The following TTC7A variants were observed in gnomAD, a reference collection of about 807,000 sequenced individuals.
TTC7A encodes tetratricopeptide repeat domain 7A.
In TTC7A, 110 loss-of-function variants were observed where a neutral mutation model predicts 103.7. That is an observed-to-expected ratio of 1.06 (90% CI 0.91 to 1.24). TTC7A has a LOEUF of 1.24. Among genes scored for constraint, TTC7A ranks in the 50% most tolerant of loss-of-function variants. The pLI, the probability that TTC7A is intolerant of heterozygous loss-of-function variation, is 0.00. For missense variants in TTC7A, 1,340 were observed against 1,116.3 expected, an observed-to-expected ratio of 1.20 and a Z score of -2.86; for synonymous variants, 521 against 467.9, an observed-to-expected ratio of 1.11 and a Z score of -1.47.
At chr2:46,965,547 C>T (rs565492693) in intron 3 of TTC7A, among the ~76,000 whole-genome samples, 125 of 149,900 alleles carry the variant, frequency 8.3e-4, no homozygotes, top group African/African-American at 2.6e-3. Flanking sequence ...GGAATTAATC[C>T]GTTTTCCCTG....
At chr2:46,981,595 C>T (rs1190290193) in intron 5 of TTC7A, among the ~76,000 whole-genome samples, 1 of 152,228 alleles carries the variant, frequency 6.6e-6, no homozygotes, top group Admixed American at 6.5e-5. Context: ...CTCTGAGACT[C>T]TCTAGAACCG....
At position 47,075,366 on chromosome 2, in the gene TTC7A, A is replaced by C. The variant is rs1685137429; in HGVS notation, c.*1443A>C. Reference sequence around the variant, plus strand: ...TTCTGGAATTCTGTTAGAAAAGTAAAGAAAAAGCAAATGCTGTTGGTTTAT... The same window carrying C: ...TTCTGGAATTCTGTTAGAAAAGTAACGAAAAAGCAAATGCTGTTGGTTTAT... On this transcript the variant is annotated 3_prime_UTR_variant, in exon 20 of 20. Transcript: ENST00000319190. The C allele has an allele frequency of 6.6e-6, 1 of 152,254 alleles. No homozygotes were observed. Among genetic ancestry groups the C allele is most frequent in the Admixed American group, 6.5e-5 (1 of 15,284 alleles). The allele number at this position is 152,254 out of a possible 1,614,324, so 9.4% of individuals were successfully genotyped here.
chr2:46,986,382 G>A (rs1412610890), intron 5 of TTC7A, among the ~76,000 whole-genome samples: 1 of 152,222 alleles, frequency 6.6e-6, no homozygotes, highest in African/African-American at 2.4e-5. Flanking sequence ...CCCAGTGCCT[G>A]CTATGGGCCA....
chr2:46,980,220 T>C (rs1231264003), intron 5 of TTC7A, among the ~76,000 whole-genome samples: 3 of 150,192 alleles, frequency 2.0e-5, no homozygotes, highest in Non-Finnish European at 3.0e-5. Context: ...CTCTCTCTTT[T>C]TTTTTTTTTT....
chr2:47,024,671 C>A (rs1312846264), intron 14 of TTC7A, among the ~76,000 whole-genome samples: 1 of 152,126 alleles, frequency 6.6e-6, no homozygotes, highest in African/African-American at 2.4e-5. Context: ...CCTCGCCTTC[C>A]ACTGGCTTTT....
intron 11 of TTC7A, among the ~76,000 whole-genome samples, chr2:47,020,382 T>A (rs149337613): frequency 1.3e-5 from 2 of 152,232 alleles, no homozygotes; most frequent in Non-Finnish European, 2.9e-5. Flanking sequence ...TAGCCTTGGG[T>A]CCACCTGGCC....
At chr2:46,921,748 C>T (rs769188323) in intron 2 of TTC7A, among the ~76,000 whole-genome samples, 8 of 152,204 alleles carry the variant, frequency 5.3e-5, no homozygotes, top group Non-Finnish European at 8.8e-5. Context: ...TGAAACTGTT[C>T]TACCTCAGAT....
chr2:47,006,201 G>A (rs115423725), intron 9 of TTC7A, 142 bp downstream of exon 9: 26,053 of 1,081,702 alleles, frequency 0.024, 383 homozygotes, highest in Middle Eastern at 0.066. Flanking sequence ...AGTTGTACAA[G>A]TCTCAGCTTC....
At chr2:46,939,274 G>GC (rs1670134049), upstream of TTC7A, among the ~76,000 whole-genome samples, 1 of 151,868 alleles carries the variant, frequency 6.6e-6, no homozygotes, top group Admixed American at 6.6e-5. Flanking sequence ...AATAAAATTG[G>GC]CCAGGCGCAG....
Position 47,075,308 on chromosome 2 carries a change from T to C in TTC7A, c.*1385T>C, listed in dbSNP as rs935014442. ...ATGTGTGTATATAAATATAGTTTTTTATCTATATATATAAAATAGAGATCT... is the reference window on the plus strand; with the variant it reads ...ATGTGTGTATATAAATATAGTTTTTCATCTATATATATAAAATAGAGATCT... On this transcript the variant is annotated 3_prime_UTR_variant, in exon 20 of 20. Transcript: ENST00000319190. 6.6e-6 allele frequency: 1 copy of C among 152,214 alleles called. No homozygotes were observed. The highest frequency in any genetic ancestry group is 2.4e-5 in the African/African-American group (1 of 41,466). The allele number at this position is 152,214 out of a possible 1,614,324, so 9.4% of individuals were successfully genotyped here. A position where few individuals can be genotyped will look rare whatever the true frequency, so the allele number is the denominator to read the frequency against.
At chr2:46,930,070 G>GT (rs1163059561) in intron 2 of TTC7A, among the ~76,000 whole-genome samples, 5 of 152,042 alleles carry the variant, frequency 3.3e-5, no homozygotes, top group Non-Finnish European at 7.4e-5. Context: ...TTTGGGGGGA[G>GT]TTTTTTACTA....
chr2:46,961,010 C>G (rs1460293519), intron 3 of TTC7A, among the ~76,000 whole-genome samples: 1 of 152,196 alleles, frequency 6.6e-6, no homozygotes, highest in Non-Finnish European at 1.5e-5. Flanking sequence ...AGAAAATTTG[C>G]TTTTATATTT....
upstream of TTC7A, chr2:46,915,944 G>A: frequency 1.0e-6 from 1 of 985,354 alleles, no homozygotes; most frequent in Non-Finnish European, 1.2e-6. Flanking sequence ...TAATCGGCCC[G>A]GGCCCAGCAC....
At chr2:46,915,964 T>A (rs1272892001), upstream of TTC7A, 1 of 985,294 alleles carries the variant, frequency 1.0e-6, no homozygotes, top group East Asian at 1.1e-4. Flanking sequence ...CTGGCGGGAC[T>A]GACGCAGTTC....
At chr2:46,974,941 G>A (rs775274248) in intron 3 of TTC7A, 32 bp from the exon 4 acceptor site, 5 of 1,609,880 alleles carry the variant, frequency 3.1e-6, no homozygotes, top group South Asian at 1.1e-5. Context: ...GCCCGAGCAG[G>A]ACAGGTCTGA....
In TTC7A at chr2:47,019,507, A is replaced by C. The variant is rs74625548; in HGVS notation, c.1393-2355A>C. ...AGAGACGGTTTTAAACTACGTGGAC[A>C]ATGCTGGCAAGTACTGGACAAGGAG... On this transcript the variant is annotated intron_variant, in intron 11 of 19. Coordinates refer to ENST00000319190, the MANE Select transcript of TTC7A (RefSeq NM_020458.4). Among the ~76,000 whole-genome samples, 1,142 of 152,318 alleles carry C rather than the reference A, an allele frequency of 7.5e-3. 13 individuals carry two copies. The highest frequency in any genetic ancestry group is 0.026 in the African/African-American group (1,080 of 41,564).
chr2:46,927,549 A>G (rs1462547366), intron 2 of TTC7A, among the ~76,000 whole-genome samples: 2 of 151,700 alleles, frequency 1.3e-5, no homozygotes, highest in Non-Finnish European at 1.5e-5. Flanking sequence ...TTTAGTGGAG[A>G]CAGGGTTTCA....
intron 19 of TTC7A, among the ~76,000 whole-genome samples, chr2:47,069,248 G>A (rs1275030752): frequency 3.3e-5 from 5 of 152,152 alleles, no homozygotes; most frequent in African/African-American, 9.7e-5. Flanking sequence ...TTGGAGGTTC[G>A]TCAGGCTGCA....
At chr2:46,942,517 A>C (rs1364352052) in intron 1 of TTC7A, among the ~76,000 whole-genome samples, 1 of 152,200 alleles carries the variant, frequency 6.6e-6, no homozygotes, top group Non-Finnish European at 1.5e-5. Context: ...CAGCCTGTTG[A>C]AGGCTCTGAG....
Sources: allele counts gnomAD v4.1 joint callset (sites outside exome capture counted in the v4.1 genomes callset), GRCh38; gene constraint gnomAD v4.1.1; transcripts MANE v1.5; gene names NCBI Gene and HGNC (gene_info 2026-07-23, HGNC 2026-07-21).